Variants in RBFOX1 observed in about 807,000 individuals in gnomAD.
The protein encoded by RBFOX1 is RNA binding protein fox-1 homolog 1.
RBFOX1 carries 8 observed loss-of-function variants against 57.7 expected under a neutral mutation model. That is an observed-to-expected ratio of 0.14 (90% CI 0.08 to 0.25). RBFOX1 has a LOEUF of 0.25. Among genes scored for constraint, RBFOX1 ranks in the 10% least tolerant of loss-of-function variants. The pLI is 1.00. For missense variants in RBFOX1, 611 were observed against 548.5 expected, an observed-to-expected ratio of 1.11 and a Z score of -1.14; for synonymous variants, 326 against 222.4, an observed-to-expected ratio of 1.47 and a Z score of -4.15.
At chr16:5,256,670 C>T (rs1171026729) in intron 1 of RBFOX1, among the ~76,000 whole-genome samples, 2 of 152,138 alleles carry the variant, frequency 1.3e-5, no homozygotes, top group East Asian at 1.9e-4. Context: ...CATGGTGGCT[C>T]ATGCCTGTAA....
At chr16:6,259,965 A>G (rs899150721) in intron 1 of RBFOX1, among the ~76,000 whole-genome samples, 2 of 152,034 alleles carry the variant, frequency 1.3e-5, no homozygotes, top group Non-Finnish European at 2.9e-5. Context: ...TCTCAAAAAA[A>G]AAAAAAAAAA....
intron 3 of RBFOX1, among the ~76,000 whole-genome samples, chr16:5,730,439 T>C (rs1861981466): frequency 6.6e-6 from 1 of 152,218 alleles, no homozygotes; most frequent in Middle Eastern, 3.2e-3. Flanking sequence ...ATTGTGTGCC[T>C]CTGGCTGCGC....
chr16:6,899,680 A>G (rs962006490), intron 3 of RBFOX1, among the ~76,000 whole-genome samples: 2 of 152,212 alleles, frequency 1.3e-5, no homozygotes, highest in Non-Finnish European at 2.9e-5. Context: ...GTCAATTGGA[A>G]TTATCTCTAC....
chr16:6,899,860 G>A (rs938022277), intron 3 of RBFOX1, among the ~76,000 whole-genome samples: 3 of 152,168 alleles, frequency 2.0e-5, no homozygotes, highest in African/African-American at 4.8e-5. Flanking sequence ...AATAATAGTA[G>A]GGCCATGTCC....
rs145633778 is a variant in RBFOX1, at chr16:7,101,483, A to G, written c.27+49385A>G. Among the ~76,000 whole-genome samples the G allele has an allele frequency of 2.2e-3, 339 of 152,300 alleles. 1 individual carries two copies. The highest frequency in any genetic ancestry group is 7.5e-3 in the African/African-American group (312 of 41,564). On this transcript the variant is annotated intron_variant, in intron 4 of 15. Coordinates refer to ENST00000550418, the MANE Select transcript of RBFOX1 (RefSeq NM_018723.4). ...AGATTAGAGAATTTTAGAAGGAAGAAACTGAGATTCAGAAAGAGACCGGCT... is the reference window on the plus strand; with the variant it reads ...AGATTAGAGAATTTTAGAAGGAAGAGACTGAGATTCAGAAAGAGACCGGCT...
At chr16:5,764,049 A>G (rs2053686275) in intron 3 of RBFOX1, among the ~76,000 whole-genome samples, 1 of 152,168 alleles carries the variant, frequency 6.6e-6, no homozygotes, top group Non-Finnish European at 1.5e-5. Flanking sequence ...GAATCACATC[A>G]CACACACCGT....
chr16:6,737,965 C>G (rs1450251255), intron 3 of RBFOX1, among the ~76,000 whole-genome samples: 1 of 151,650 alleles, frequency 6.6e-6, no homozygotes, highest in Non-Finnish European at 1.5e-5. Context: ...AATGCTTGAG[C>G]CAGAGAAAAG....
intron 2 of RBFOX1, among the ~76,000 whole-genome samples, chr16:6,438,505 C>T (rs1268566359): frequency 6.6e-6 from 1 of 152,144 alleles, no homozygotes; most frequent in African/African-American, 2.4e-5. Flanking sequence ...TTAGTAAAGA[C>T]TTTAGACATT....
intron 3 of RBFOX1, among the ~76,000 whole-genome samples, chr16:6,984,055 C>G (rs562515069): frequency 2.6e-5 from 4 of 152,240 alleles, no homozygotes; most frequent in South Asian, 2.1e-4. Context: ...CAAGACCTGT[C>G]TGATCAACAT....
chr16:6,331,061 G>A (rs2082961342), intron 2 of RBFOX1, among the ~76,000 whole-genome samples: 1 of 152,178 alleles, frequency 6.6e-6, no homozygotes, highest in African/African-American at 2.4e-5. Context: ...AAGTAAGGAA[G>A]TTAGTAATAC....
At chr16:7,580,393 A>G (rs1050250438) in intron 6 of RBFOX1, among the ~76,000 whole-genome samples, 1 of 152,206 alleles carries the variant, frequency 6.6e-6, no homozygotes, top group Admixed American at 6.5e-5. Context: ...ATGCATCAGC[A>G]GAGAACAACT....
intron 1 of RBFOX1, among the ~76,000 whole-genome samples, chr16:5,454,779 TTC>T (rs1597130964): frequency 6.6e-6 from 1 of 151,306 alleles, no homozygotes; most frequent in Non-Finnish European, 1.5e-5. Context: ...CTTTCTTTCT[TTC>T]TTTCTTTCTC....
intron 3 of RBFOX1, among the ~76,000 whole-genome samples, chr16:6,739,161 G>C (rs548416330): frequency 6.6e-6 from 1 of 150,418 alleles, no homozygotes; most frequent in South Asian, 2.1e-4. Context: ...CAATGAAATT[G>C]AAAACAGAAA....
chr16:6,583,538 C>A (rs775168258), intron 2 of RBFOX1, among the ~76,000 whole-genome samples: 4 of 152,226 alleles, frequency 2.6e-5, no homozygotes, highest in Non-Finnish European at 5.9e-5. Context: ...TTATTCCTTT[C>A]TTCCAAGTAA....
rs375195681 is a variant in RBFOX1, at chr16:6,542,597, C to T, written c.-63-112006C>T. Among the ~76,000 whole-genome samples the T allele has an allele frequency of 1.2e-3, 173 of 147,032 alleles. No homozygotes were observed. The Middle Eastern group carries it at 0.015, about 12-fold the overall frequency. On this transcript the variant is annotated intron_variant, in intron 2 of 15. Coordinates refer to ENST00000550418, the MANE Select transcript of RBFOX1 (RefSeq NM_018723.4). The stretch of plus-strand genomic sequence containing the variant: ...CTCCGCCTCCTGGGTTCACGCCATT[C>T]TCCTGCCTCAGCCTGGCAAGTAGCT...
intron 2 of RBFOX1, among the ~76,000 whole-genome samples, chr16:6,593,957 T>G (rs1183544542): frequency 6.6e-6 from 1 of 152,154 alleles, no homozygotes; most frequent in Non-Finnish European, 1.5e-5. Context: ...CAATTTGGCG[T>G]TTAGGATTAG....
intron 2 of RBFOX1, among the ~76,000 whole-genome samples, chr16:5,497,717 C>G (rs1001934901): frequency 6.6e-6 from 1 of 151,742 alleles, no homozygotes; most frequent in Non-Finnish European, 1.5e-5. Flanking sequence ...AGGCAGAGGT[C>G]GCAGTGAGCT....
chr16:6,709,428 C>A (rs2063343354), intron 3 of RBFOX1, among the ~76,000 whole-genome samples: 1 of 152,162 alleles, frequency 6.6e-6, no homozygotes, highest in African/African-American at 2.4e-5. Context: ...TAAAAAAATA[C>A]TGAGAACGTT....
intron 4 of RBFOX1, among the ~76,000 whole-genome samples, chr16:7,302,652 A>G (rs1490417005): frequency 1.3e-5 from 2 of 152,034 alleles, no homozygotes; most frequent in African/African-American, 4.8e-5. Flanking sequence ...AAAAAAAGAA[A>G]ATCCAATCAC....
Sources: gnomAD v4.1 joint callset for allele counts (sites outside exome capture counted in the v4.1 genomes callset) on GRCh38, gnomAD v4.1.1 for gene constraint, MANE v1.5 for transcripts, NCBI Gene and HGNC (gene_info 2026-07-23, HGNC 2026-07-21) for gene names.